The following PTPN13 variants were observed in gnomAD, a reference collection of about 807,000 sequenced individuals.
The protein encoded by PTPN13 is protein tyrosine phosphatase non-receptor type 13, also known as tyrosine-protein phosphatase non-receptor type 13.
In PTPN13, 191 loss-of-function variants were observed where a neutral mutation model predicts 284.0. The observed-to-expected ratio is 0.67, with a 90% CI of 0.60 to 0.76. The LOEUF is 0.76. Ranked by LOEUF, PTPN13 falls within the 30% of genes least tolerant of loss-of-function variation. The probability of loss-of-function intolerance (pLI) is 0.00; values close to 1 mark genes in which losing one functional copy is unlikely to be tolerated. For synonymous variants in PTPN13, 986 were observed against 1,022.3 expected (o/e 0.96, Z 0.68); for missense variants, 2,797 against 2,939.9 (o/e 0.95, Z 1.12).
chr4:86,750,874 A>G lies in PTPN13; in HGVS notation c.3055A>G (p.Thr1019Ala). ...RSDAESLAGV[T>A]KLNNSKSVAS... ...TGATGCAGAATCTTTGGCAGGAGTG[A>G]CAAAACTTAATAAGTAAGAACATAT... The change falls in exon 18 of 48, where the codon ACA becomes GCA. Residue 1019 changes from threonine (T) to alanine (A), a missense_variant. Physicochemically the swap from Thr to Ala is moderately conservative, Grantham distance 58. Transcript: ENST00000411767. 6.2e-7 allele frequency: 1 copy of G among 1,613,094 alleles called. No individual in the cohort carries two copies. The highest frequency in any genetic ancestry group is 8.5e-7 in the Non-Finnish European group (1 of 1,179,506).
intron 7 of PTPN13, among the ~76,000 whole-genome samples, chr4:86,702,531 T>G (rs1482085435): frequency 6.6e-6 from 1 of 152,202 alleles, no homozygotes; most frequent in Admixed American, 6.5e-5. Flanking sequence ...TATTACATTA[T>G]TAGTGTGAGT....
chr4:86,605,694 A>G (rs1451395472), intron 1 of PTPN13, among the ~76,000 whole-genome samples: 1 of 151,908 alleles, frequency 6.6e-6, no homozygotes, highest in Non-Finnish European at 1.5e-5. Context: ...CATAGGAGGC[A>G]AGATTATCTC....
chr4:86,808,355 T>C (rs1744868727), intron 45 of PTPN13, among the ~76,000 whole-genome samples: 1 of 152,236 alleles, frequency 6.6e-6, no homozygotes, highest in Non-Finnish European at 1.5e-5. Flanking sequence ...TTCAGATCAT[T>C]CATACTGCAG....
chr4:86,630,694 T>C (rs1205200608), intron 1 of PTPN13, among the ~76,000 whole-genome samples: 2 of 152,188 alleles, frequency 1.3e-5, no homozygotes, highest in African/African-American at 4.8e-5. Context: ...CTCCATTTTA[T>C]AGCTGCTTTG....
chr4:86,764,900 C>T (rs1739115875), intron 25 of PTPN13, among the ~76,000 whole-genome samples, 176 bp downstream of exon 25: 1 of 152,084 alleles, frequency 6.6e-6, no homozygotes, highest in African/African-American at 2.4e-5. Context: ...GTCACTTTTT[C>T]CTGTGATTTT....
Position 86,807,669 on chromosome 4 carries a change from A to G in PTPN13, c.6855A>G (p.Pro2285=), listed in dbSNP as rs1266211422. ...TCGTTTACATTGCCTGCCAAGGACC[A>G]CTGCCTACAACTGTTGGAGACTTCT... is the stretch of plus-strand genomic sequence containing the variant. ...EEFVYIACQG[P]LPTTVGDFWQ... Residue 2285 remains proline, a synonymous_variant, in exon 45 of 48, where the codon CCA becomes CCG. Coordinates refer to ENST00000411767, the MANE Select transcript of PTPN13 (RefSeq NM_080683.3). 2 of 1,614,060 alleles carry G rather than the reference A, an allele frequency of 1.2e-6. No homozygotes were observed. Among genetic ancestry groups the G allele is most frequent in the East Asian group, 2.2e-5 (1 of 44,892 alleles).
intron 20 of PTPN13, among the ~76,000 whole-genome samples, chr4:86,757,069 G>C (rs564342788): frequency 1.3e-5 from 2 of 152,290 alleles, no homozygotes; most frequent in Admixed American, 1.3e-4. Context: ...TTGATGTTAA[G>C]AAGTGTGTGT....
chr4:86,661,655 T>C (rs540737026), intron 2 of PTPN13, among the ~76,000 whole-genome samples: 1 of 152,338 alleles, frequency 6.6e-6, no homozygotes, highest in South Asian at 2.1e-4. Context: ...CTACAGATCA[T>C]GTTTACATGG....
chr4:86,624,207 A>G (rs1249636241), intron 1 of PTPN13, among the ~76,000 whole-genome samples: 3 of 151,868 alleles, frequency 2.0e-5, no homozygotes, highest in Non-Finnish European at 4.4e-5. Context: ...AGACCCCATA[A>G]TCCTTCCCCA....
chr4:86,802,839 A>C (rs894471672), intron 42 of PTPN13, among the ~76,000 whole-genome samples: 13 of 152,320 alleles, frequency 8.5e-5, no homozygotes, highest in Admixed American at 6.5e-5. Flanking sequence ...TGGGAGGCCA[A>C]GGCAGGTGGA....
chr4:86,723,129 T>C (rs892869655), intron 10 of PTPN13, among the ~76,000 whole-genome samples: 4 of 152,230 alleles, frequency 2.6e-5, no homozygotes, highest in Non-Finnish European at 4.4e-5. Flanking sequence ...TCTACATTAT[T>C]GTTAGTGTTA....
At chr4:86,617,132 G>T (rs1720639467) in intron 1 of PTPN13, among the ~76,000 whole-genome samples, 1 of 152,150 alleles carries the variant, frequency 6.6e-6, no homozygotes, top group African/African-American at 2.4e-5. Context: ...GACAAGAGAG[G>T]AAGCAAAGCA....
chr4:86,603,498 C>G (rs755222110), intron 1 of PTPN13, among the ~76,000 whole-genome samples: 2 of 152,070 alleles, frequency 1.3e-5, no homozygotes, highest in Non-Finnish European at 2.9e-5. Flanking sequence ...ATTGTGCATG[C>G]TTTTAATAGC....
At chr4:86,604,582 G>A (rs1764590312) in intron 1 of PTPN13, among the ~76,000 whole-genome samples, 1 of 151,768 alleles carries the variant, frequency 6.6e-6, no homozygotes, top group Non-Finnish European at 1.5e-5. Flanking sequence ...TAAAATGGTT[G>A]ACATTTTAAA....
At chr4:86,779,196 A>G (rs1477628019) in intron 35 of PTPN13, among the ~76,000 whole-genome samples, 2 of 152,122 alleles carry the variant, frequency 1.3e-5, no homozygotes, top group East Asian at 1.9e-4. Flanking sequence ...TGGACAAGCC[A>G]TTATACCACC....
At chr4:86,669,503 A>T (rs1051139027) in intron 2 of PTPN13, among the ~76,000 whole-genome samples, 7 of 152,094 alleles carry the variant, frequency 4.6e-5, no homozygotes, top group Non-Finnish European at 1.0e-4. Context: ...AAAAGGAGAG[A>T]TACATATAGT....
intron 28 of PTPN13, 108 bp from the exon 29 acceptor site, chr4:86,769,661 G>A (rs752185305): frequency 1.4e-4 from 101 of 713,684 alleles, no homozygotes; most frequent in Non-Finnish European, 1.9e-4. Flanking sequence ...CTATAAATAC[G>A]GGAAAATGGG....
In PTPN13 at chr4:86,762,935, C is replaced by G; in HGVS notation, c.3762C>G (p.Ala1254=). The change falls in exon 24 of 48, where the codon GCC becomes GCG. Residue 1254 remains alanine (A), a synonymous_variant. Transcript: ENST00000411767. ...LSSQDSRTES[A]SLSQSQVNGF... The stretch of plus-strand genomic sequence containing the variant: ...CTCAAGATTCCAGGACTGAGAGTGC[C>G]AGCTTGTCTCAAAGCCAGGTCAATG... The G allele has an allele frequency of 6.2e-7, 1 of 1,613,866 alleles. No homozygotes were observed. The highest frequency in any genetic ancestry group is 1.1e-5 in the South Asian group (1 of 91,072).
Position 86,666,793 on chromosome 4 carries a change from G to A in PTPN13, c.116-5572G>A, listed in dbSNP as rs138430577. Among the ~76,000 whole-genome samples, 10 of 152,172 alleles carry A rather than the reference G, an allele frequency of 6.6e-5. No homozygotes were observed. The East Asian group carries it at 1.2e-3, about 18-fold the overall frequency. On this transcript the variant is annotated intron_variant, in intron 2 of 47. Coordinates refer to ENST00000411767, the MANE Select transcript of PTPN13 (RefSeq NM_080683.3). ...GCACGTGGTAAAGGGTGGCCACCCC[G>A]CCCTAATCTTATTATGCAAATGGAC... is the stretch of plus-strand genomic sequence containing the variant.
Sources: gnomAD v4.1 joint callset for allele counts (sites outside exome capture counted in the v4.1 genomes callset) on GRCh38, gnomAD v4.1.1 for gene constraint, MANE v1.5 for transcripts, NCBI Gene and HGNC (gene_info 2026-07-23, HGNC 2026-07-21) for gene names.